BRMS1L: variants seen among roughly 807,000 people sequenced by gnomAD.
BRMS1L encodes breast cancer metastasis-suppressor 1-like protein.
A neutral mutation model predicts 50.3 loss-of-function variants in BRMS1L; 23 were observed. That is an observed-to-expected ratio of 0.46 (90% CI 0.33 to 0.65). The LOEUF is 0.65. Among genes scored for constraint, BRMS1L ranks in the 30% least tolerant of loss-of-function variants. BRMS1L has a pLI of 0.02. For synonymous variants in BRMS1L, 114 were observed against 126.9 expected (o/e 0.90, Z 0.69); for missense variants, 286 against 386.1 (o/e 0.74, Z 2.17).
At chr14:35,851,058 C>T (rs1480480196) in intron 4 of BRMS1L, among the ~76,000 whole-genome samples, 1 of 152,052 alleles carries the variant, frequency 6.6e-6, no homozygotes, top group African/African-American at 2.4e-5. Context: ...TTGAAAAGTC[C>T]AGGAAGATTA....
chr14:35,827,601 A>G (rs2077861799), intron 1 of BRMS1L, among the ~76,000 whole-genome samples: 1 of 152,212 alleles, frequency 6.6e-6, no homozygotes, highest in South Asian at 2.1e-4. Context: ...CAATCAGTAA[A>G]TCAGCCATCC....
intron 4 of BRMS1L, among the ~76,000 whole-genome samples, chr14:35,853,780 T>C (rs2078244891): frequency 6.6e-6 from 1 of 152,174 alleles, no homozygotes. Context: ...TGTTCTGATT[T>C]GTCCTTTTTA....
intron 9 of BRMS1L, among the ~76,000 whole-genome samples, chr14:35,868,780 TAACAACAACAACAACAAAC>T (rs901226720): frequency 6.6e-6 from 1 of 152,020 alleles, no homozygotes; most frequent in Non-Finnish European, 1.5e-5. Flanking sequence ...CTTGTCTCTC[TAACAACAACAACAACAAAC>T]AACAACAACA....
At chr14:35,865,656 ACC>A in intron 7 of BRMS1L, 64 bp from the exon 8 acceptor site, 1 of 1,234,194 alleles carries the variant, frequency 8.1e-7, no homozygotes, top group South Asian at 1.4e-5. Flanking sequence ...TTAAATAGAT[ACC>A]AAAATATATT....
intron 1 of BRMS1L, among the ~76,000 whole-genome samples, chr14:35,830,483 G>A (rs191728544): frequency 8.6e-5 from 13 of 152,018 alleles, no homozygotes; most frequent in South Asian, 2.1e-4. Flanking sequence ...TCGGTCTCTC[G>A]AGCAGTTGGG....
At chr14:35,829,616 T>G (rs1032471485) in intron 1 of BRMS1L, among the ~76,000 whole-genome samples, 2 of 152,226 alleles carry the variant, frequency 1.3e-5, no homozygotes, top group Non-Finnish European at 2.9e-5. Context: ...CGGAAAAGCC[T>G]CTACTATCCA....
chr14:35,831,560 A>G (rs2077919288), intron 2 of BRMS1L, 60 bp downstream of exon 2: 2 of 1,196,882 alleles, frequency 1.7e-6, no homozygotes, highest in Admixed American at 3.6e-5. Flanking sequence ...CTTGTATACT[A>G]GCACAAGAGC....
chr14:35,863,928 C>G lies in BRMS1L; in HGVS notation c.597C>G (p.Asp199Glu). ...RKKRKDPFSP[D>E]KKKPVVVSGP... ...AGAGGAAGGATCCTTTCAGTCCTGA[C>G]AAAAAGAAGCCAGTTGTTGTTTCAG... Residue 199 changes from aspartate (D) to glutamate (E), a missense_variant, in exon 6 of 10, where the codon GAC (aspartate) becomes GAG (glutamate). Transcript: ENST00000216807. The G allele has an allele frequency of 1.2e-6, 2 of 1,613,724 alleles. No homozygotes were observed. Among genetic ancestry groups the G allele is most frequent in the Non-Finnish European group, 8.5e-7 (1 of 1,179,862 alleles).
At chr14:35,860,579 TAAAAA>T (rs397852632) in intron 4 of BRMS1L, among the ~76,000 whole-genome samples, 2 of 134,806 alleles carry the variant, frequency 1.5e-5, no homozygotes, top group African/African-American at 5.4e-5. Context: ...GCAGTATGCT[TAAAAA>T]AAAAAAAAAA....
Position 35,828,471 on chromosome 14 carries a change from C to CTTT in BRMS1L, c.142+1830_142+1832dup, listed in dbSNP as rs780984053. The stretch of plus-strand genomic sequence containing the variant: ...ACAGGCATGAGCTACCATTCCCAGC[C>CTTT]TTTTTTTTTTTTTTTTTTTGAGAAG... On this transcript the variant is annotated intron_variant, in intron 1 of 9. Coordinates refer to ENST00000216807, the MANE Select transcript of BRMS1L (RefSeq NM_032352.4). 3.8e-3 allele frequency among the ~76,000 whole-genome samples: 379 copies of CTTT among 99,254 alleles called. 10 individuals are homozygous for CTTT. Among genetic ancestry groups the CTTT allele is most frequent in the East Asian group, 0.014 (44 of 3,250 alleles). 65.1% of individuals were successfully genotyped at this position (99,254 alleles called of 152,430 possible). A position where few individuals can be genotyped will look rare whatever the true frequency, so the allele number is the denominator to read the frequency against.
intron 4 of BRMS1L, among the ~76,000 whole-genome samples, 154 bp downstream of exon 4, chr14:35,835,077 A>C (rs1263417175): frequency 6.6e-6 from 1 of 152,036 alleles, no homozygotes; most frequent in African/African-American, 2.4e-5. Flanking sequence ...ATAGAGTTGC[A>C]TTGGAAGCTG....
At position 35,871,062 on chromosome 14, in the gene BRMS1L, T is replaced by C. The variant is rs1047113929; in HGVS notation, c.*585T>C. 1 of 152,662 alleles carries C rather than the reference T, an allele frequency of 6.6e-6. No individual in the cohort carries two copies. The highest frequency in any genetic ancestry group is 1.9e-4 in the East Asian group (1 of 5,202). 9.5% of individuals were successfully genotyped at this position (152,662 alleles called of 1,614,324 possible). A position where few individuals can be genotyped will look rare whatever the true frequency, so the allele number is the denominator to read the frequency against. ...TTGAAAGCTAAAAGGAGCACTTTTG[T>C]AGAATAGCAACTTTTCTTTTCCTCT... On this transcript the variant is annotated 3_prime_UTR_variant, in exon 10 of 10. Coordinates refer to ENST00000216807, the MANE Select transcript of BRMS1L (RefSeq NM_032352.4).
intron 4 of BRMS1L, among the ~76,000 whole-genome samples, chr14:35,840,578 T>G (rs2078050532): frequency 6.6e-6 from 1 of 151,802 alleles, no homozygotes; most frequent in Non-Finnish European, 1.5e-5. Flanking sequence ...GGATTCGACT[T>G]CTTCTTGATT....
At chr14:35,854,122 T>C (rs1459676747) in intron 4 of BRMS1L, among the ~76,000 whole-genome samples, 1 of 152,198 alleles carries the variant, frequency 6.6e-6, no homozygotes, top group African/African-American at 2.4e-5. Context: ...TATAGTTAGT[T>C]CTTTTTAGGT....
chr14:35,845,784 G>T (rs925437024), intron 4 of BRMS1L, among the ~76,000 whole-genome samples: 23 of 152,126 alleles, frequency 1.5e-4, no homozygotes, highest in African/African-American at 5.3e-4. Flanking sequence ...TTACTGGGTT[G>T]CCCAGGCTGG....
intron 4 of BRMS1L, among the ~76,000 whole-genome samples, chr14:35,835,852 G>A (rs2142040141): frequency 6.6e-6 from 1 of 151,904 alleles, no homozygotes; most frequent in South Asian, 2.1e-4. Context: ...CTCAGAAATA[G>A]CAACTACAAC....
intron 4 of BRMS1L, among the ~76,000 whole-genome samples, chr14:35,837,918 GA>G (rs2078015515): frequency 6.6e-6 from 1 of 152,110 alleles, no homozygotes; most frequent in African/African-American, 2.4e-5. Context: ...TACGTGTGCA[GA>G]ATGTGCAGGT....
chr14:35,863,604 T>C (rs142915384), intron 5 of BRMS1L, among the ~76,000 whole-genome samples: 44 of 152,356 alleles, frequency 2.9e-4, no homozygotes, highest in Middle Eastern at 3.4e-3. Flanking sequence ...ATGCATGTAA[T>C]ATACATTTTA....
intron 4 of BRMS1L, among the ~76,000 whole-genome samples, chr14:35,849,010 T>G (rs2078174137): frequency 6.6e-6 from 1 of 152,102 alleles, no homozygotes; most frequent in South Asian, 2.1e-4. Flanking sequence ...AATTGTATTT[T>G]TTTTTCTTTT....
Sources: allele counts gnomAD v4.1 joint callset (sites outside exome capture counted in the v4.1 genomes callset), GRCh38; gene constraint gnomAD v4.1.1; transcripts MANE v1.5; gene names NCBI Gene and HGNC (gene_info 2026-07-23, HGNC 2026-07-21).